TOP2A: variants seen among roughly 807,000 people sequenced by gnomAD.
TOP2A encodes the protein DNA topoisomerase 2-alpha.
In TOP2A, 68 loss-of-function variants were observed where a neutral mutation model predicts 187.2. The observed-to-expected ratio is 0.36, with a 90% CI of 0.30 to 0.44. The LOEUF (loss-of-function observed/expected upper bound fraction) is 0.44. TOP2A is among the 20% of genes least tolerant of loss of function. TOP2A has a pLI of 1.00. For missense variants in TOP2A, 1,196 were observed against 1,808.7 expected (o/e 0.66, Z 6.14); for synonymous variants, 542 against 593.2 (o/e 0.91, Z 1.25).
In TOP2A at chr17:40,398,772, C is replaced by T; in HGVS notation, c.3453+1G>A. On this transcript the variant is annotated splice_donor_variant, in intron 26 of 34. Transcript: ENST00000423485. LOFTEE classifies it high-confidence loss of function. ...CATGTACCATCCTACTATCAACTCA[C>T]TTTTTCATTTCTTAGCCTGCAGAGT... is the stretch of plus-strand genomic sequence containing the variant. 1 of 1,608,052 alleles carries T rather than the reference C, an allele frequency of 6.2e-7. No individual in the cohort carries two copies. The highest frequency in any genetic ancestry group is 8.5e-7 in the Non-Finnish European group (1 of 1,178,244).
rs369405988 is a variant in TOP2A at position 40,406,687 on chromosome 17, T to C, written c.1740A>G (p.Val580=). The C allele has an allele frequency of 5.1e-5, 82 of 1,610,692 alleles. No individual in the cohort carries two copies. The highest frequency in any genetic ancestry group is 3.6e-4 in the Middle Eastern group (2 of 5,582). Residue 580 remains valine, a splice_region_variant and synonymous_variant, in exon 15 of 35, where the codon GTA becomes GTG. Coordinates refer to ENST00000423485, the MANE Select transcript of TOP2A (RefSeq NM_001067.4). ...ATGCCATTTCTTGCTTGTTTTTAGA[T>C]ACCTGTGATAAAAAACAATGACTGT... The part of the protein sequence containing the change: ...LEEFITPIVK[V]SKNKQEMAFY...
intron 29 of TOP2A, among the ~76,000 whole-genome samples, chr17:40,393,000 G>T (rs1045758740): frequency 6.6e-6 from 1 of 152,012 alleles, no homozygotes; most frequent in Non-Finnish European, 1.5e-5. Context: ...TGAGCCCAGG[G>T]GTTTGAGATC....
At position 40,392,670 on chromosome 17, in the gene TOP2A, G is replaced by A; in HGVS notation, c.3879C>T (p.Pro1293=). The A allele has an allele frequency of 1.2e-6, 2 of 1,613,322 alleles. No homozygotes were observed. Among genetic ancestry groups the A allele is most frequent in the Non-Finnish European group, 1.7e-6 (2 of 1,179,792 alleles). ...TCCTATCTGATTCTGAATCAGACCA[G>A]GGATTTCTCTTCTTTCCTTTTTTGA... ...KPIKKGKKRN[P]WSDSESDRSS... The change falls in exon 30 of 35, where the codon CCC becomes CCT. Residue 1293 remains proline (P), a synonymous_variant. Transcript: ENST00000423485.
Position 40,411,625 on chromosome 17 carries a change from T to G in TOP2A, c.963+20A>C. On this transcript the variant is annotated intron_variant, in intron 8 of 34. Coordinates refer to ENST00000423485, the MANE Select transcript of TOP2A (RefSeq NM_001067.4). This position sits in a 1 kb window ranked among gnomAD's most constrained non-coding sequence, Gnocchi z 4.4. ...ATATGTAAAGATAAATCATGATTAA[T>G]AATTTAAGAATAAAATTACCTTGGA... is the stretch of plus-strand genomic sequence containing the variant. 1 of 1,600,934 alleles carries G rather than the reference T, an allele frequency of 6.2e-7. No homozygotes were observed. Among genetic ancestry groups the G allele is most frequent in the Non-Finnish European group, 8.5e-7 (1 of 1,174,532 alleles).
chr17:40,400,125 A>G, intron 23 of TOP2A, 58 bp from the exon 24 acceptor site: 2 of 1,585,136 alleles, frequency 1.3e-6, no homozygotes, highest in South Asian at 1.1e-5. Flanking sequence ...AACTTTATAA[A>G]GGTAGACTAA....
Position 40,396,304 on chromosome 17 carries a change from C to T in TOP2A, c.3699G>A (p.Lys1233=), listed in dbSNP as rs1141364. 1 of 1,598,860 alleles carries T rather than the reference C, an allele frequency of 6.3e-7. No homozygotes were observed. Among genetic ancestry groups the T allele is most frequent in the Admixed American group, 1.7e-5 (1 of 59,532 alleles). Residue 1233 remains lysine, a synonymous_variant, in exon 28 of 35, where the codon AAG becomes AAA. Coordinates refer to ENST00000423485, the MANE Select transcript of TOP2A (RefSeq NM_001067.4). Reference sequence around the variant, plus strand: ...TTACCTTAATTTTCTTTTTATTTTTCTTTTCTGCCTCTGCTTTCATTTCTA... The same window carrying T: ...TTACCTTAATTTTCTTTTTATTTTTTTTTTCTGCCTCTGCTTTCATTTCTA... ...ITIEMKAEAE[K]KNKKKIKNEN... is the part of the protein sequence containing the mutation.
At position 40,407,153 on chromosome 17, in the gene TOP2A, A is replaced by T. The variant is rs139970762; in HGVS notation, c.1627-211T>A. 3.9e-5 allele frequency among the ~76,000 whole-genome samples: 6 copies of T among 152,252 alleles called. No homozygotes were observed. The East Asian group carries it at 1.2e-3, about 29-fold the overall frequency. On this transcript the variant is annotated intron_variant, in intron 13 of 34. Coordinates refer to ENST00000423485, the MANE Select transcript of TOP2A (RefSeq NM_001067.4). ...GTGGCATCCGCCTGCAATCCCAGCT[A>T]CTCGGGAGGCTGAGGCAGGAGAATC...
chr17:40,413,668 A>G (rs2035352503), intron 4 of TOP2A, 43 bp from the exon 5 acceptor site: 2 of 953,976 alleles, frequency 2.1e-6, no homozygotes, highest in African/African-American at 1.7e-5. Context: ...AACACATTAA[A>G]CGAATGCTTA....
Position 40,404,358 on chromosome 17 carries a change from C to T in TOP2A, c.2161+19G>A, listed in dbSNP as rs1332607068. 6.2e-7 allele frequency: 1 copy of T among 1,605,344 alleles called. No homozygotes were observed. Among genetic ancestry groups the T allele is most frequent in the Non-Finnish European group, 8.5e-7 (1 of 1,174,164 alleles). ...ATTTCCATCTTACAATGAAAACAGA[C>T]TAACAAATTGGAACTCACCATCCAC... On this transcript the variant is annotated intron_variant, in intron 18 of 34. Coordinates refer to ENST00000423485, the MANE Select transcript of TOP2A (RefSeq NM_001067.4).
intron 4 of TOP2A, 142 bp downstream of exon 4, chr17:40,415,863 C>A: frequency 1.7e-6 from 1 of 593,400 alleles, no homozygotes; most frequent in Non-Finnish European, 3.1e-6. Flanking sequence ...GGTGGGTATC[C>A]ATAGGTTTTT....
chr17:40,412,681 A>AAAAACAAAAACATAT, intron 7 of TOP2A, 78 bp downstream of exon 7: 1 of 1,139,490 alleles, frequency 8.8e-7, no homozygotes, highest in Non-Finnish European at 1.3e-6. Context: ...AACATATGGG[A>AAAAACAAAAACATAT]GGGGAAAAAA....
chr17:40,412,568 T>C (rs2035335273), intron 7 of TOP2A, among the ~76,000 whole-genome samples, 191 bp downstream of exon 7: 1 of 152,136 alleles, frequency 6.6e-6, no homozygotes, highest in African/African-American at 2.4e-5. Flanking sequence ...TGCGTGAACC[T>C]GGGAGGTGGA....
chr17:40,413,162 T>C (rs775692706), intron 6 of TOP2A, 33 bp downstream of exon 6: 2 of 1,474,472 alleles, frequency 1.4e-6, no homozygotes, highest in Non-Finnish European at 9.3e-7. Context: ...TACTACCATT[T>C]ATCATTAAGG....
intron 27 of TOP2A, among the ~76,000 whole-genome samples, chr17:40,396,872 A>C (rs2035106013): frequency 6.6e-6 from 1 of 152,054 alleles, no homozygotes; most frequent in Non-Finnish European, 1.5e-5. Context: ...TAAATTTAAG[A>C]AATAAAGCTT....
intron 16 of TOP2A, among the ~76,000 whole-genome samples, chr17:40,405,164 AT>A (rs778351248): frequency 0.023 from 2,901 of 127,760 alleles, 38 homozygotes; most frequent in Non-Finnish European, 0.033. Flanking sequence ...TAATTTTTGT[AT>A]TTTTTTTTTT....
At chr17:40,413,737 G>C in intron 4 of TOP2A, 112 bp from the exon 5 acceptor site, 3 of 536,604 alleles carry the variant, frequency 5.6e-6, no homozygotes. Flanking sequence ...GGCTGGGCGC[G>C]GTGGCCTGTG....
chr17:40,401,346 G>A (rs1196761250), intron 20 of TOP2A, among the ~76,000 whole-genome samples: 3 of 152,120 alleles, frequency 2.0e-5, no homozygotes, highest in African/African-American at 7.2e-5. Flanking sequence ...AAGAAAAAGT[G>A]GGAAAGTGAC....
intron 27 of TOP2A, among the ~76,000 whole-genome samples, chr17:40,397,208 G>A (rs1334033444): frequency 1.3e-5 from 2 of 150,872 alleles, no homozygotes; most frequent in Non-Finnish European, 2.9e-5. Flanking sequence ...TTAAAATAAT[G>A]TTGAGAAACA....
chr17:40,389,563 G>C lies in TOP2A; in HGVS notation c.4552C>G (p.Pro1518Ala). 6.2e-7 allele frequency: 1 copy of C among 1,600,786 alleles called. No individual in the cohort carries two copies. The change falls in exon 35 of 35, where the codon CCT becomes GCT. Residue 1518 changes from proline (P) to alanine (A), a missense_variant. Pro to Ala is a conservative substitution (Grantham distance 27). Around this residue, in one of 10 missense-constraint regions of TOP2A, gnomAD observed 374 missense variants for 403.3 expected, o/e 0.93. Coordinates refer to ENST00000423485, the MANE Select transcript of TOP2A (RefSeq NM_001067.4). ...TCTGACTCTTCCAGGTACTTTATAG[G>C]TTTCTTTGCCCGTACAGATTTTGCC... ...PRAKSVRAKKPIKYLEESDED... is the reference protein window; with the variant it reads ...PRAKSVRAKKAIKYLEESDED...
Sources: gnomAD v4.1 joint callset for allele counts (sites outside exome capture counted in the v4.1 genomes callset) on GRCh38, gnomAD v4.1.1 for gene constraint, gnomAD v4.1.1 regional missense constraint, Gnocchi (gnomAD v3.1) non-coding constraint, MANE v1.5 for transcripts, NCBI Gene and HGNC (gene_info 2026-07-23, HGNC 2026-07-21) for gene names.